Variants in UNC80 observed in about 807,000 individuals in gnomAD.
The protein encoded by UNC80 is unc-80 subunit of NALCN channel complex.
Under a neutral mutation model 384.6 loss-of-function variants are expected in UNC80, and 164 were observed. The ratio of observed to expected loss-of-function variants is 0.43; its 90% CI spans 0.38 to 0.49. The LOEUF is 0.49. UNC80 is among the 20% of genes least tolerant of loss of function. The pLI is 0.00. For synonymous variants in UNC80, 1,486 were observed against 1,527.8 expected, an observed-to-expected ratio of 0.97 and a Z score of 0.64; for missense variants, 3,330 against 4,143.0, an observed-to-expected ratio of 0.80 and a Z score of 5.39.
intron 22 of UNC80, among the ~76,000 whole-genome samples, chr2:209,866,184 T>G (rs900055401): frequency 1.3e-5 from 2 of 152,166 alleles, no homozygotes; most frequent in African/African-American, 4.8e-5. Flanking sequence ...TCTTTAATCT[T>G]TCCTTCTGTA....
At chr2:209,884,012 T>TC (rs34407583) in intron 25 of UNC80, among the ~76,000 whole-genome samples, 1 of 152,056 alleles carries the variant, frequency 6.6e-6, no homozygotes, top group Non-Finnish European at 1.5e-5. Context: ...TTAGTGTGCT[T>TC]CCCCCCCTCC....
At position 209,976,441 on chromosome 2, in the gene UNC80, G is replaced by A. The variant is rs2093015658; in HGVS notation, c.8772+138G>A. Reference sequence around the variant, plus strand: ...AGGGCCTGTTAATACCATGCTTGATGAGAAAACCGCCCAAAAATATATTCC... The same window carrying A: ...AGGGCCTGTTAATACCATGCTTGATAAGAAAACCGCCCAAAAATATATTCC... On this transcript the variant is annotated intron_variant, in intron 57 of 64. Coordinates refer to ENST00000673920, the MANE Select transcript of UNC80 (RefSeq NM_001371986.1). This position sits in a 1 kb window ranked among gnomAD's most constrained non-coding sequence, Gnocchi z 4.3. 9.0e-7 allele frequency: 1 copy of A among 1,111,780 alleles called. No individual in the cohort carries two copies. The highest frequency in any genetic ancestry group is 1.6e-5 in the African/African-American group (1 of 62,456). The allele number at this position is 1,111,780 out of a possible 1,614,324, so 68.9% of individuals were successfully genotyped here. A position where few individuals can be genotyped will look rare whatever the true frequency, so the allele number is the denominator to read the frequency against.
intron 61 of UNC80, among the ~76,000 whole-genome samples, chr2:209,988,448 T>C (rs2093332769): frequency 6.6e-6 from 1 of 152,240 alleles, no homozygotes; most frequent in African/African-American, 2.4e-5. Context: ...TGAATTTTTA[T>C]TGCATTATTG....
At chr2:209,918,009 T>A in intron 32 of UNC80, 51 bp downstream of exon 32, 1 of 1,531,880 alleles carries the variant, frequency 6.5e-7, no homozygotes, top group South Asian at 1.2e-5. Context: ...CAACCCAAGG[T>A]TTGTTTAAAC....
chr2:209,976,868 T>A lies in UNC80; in HGVS notation c.8773-45T>A. The stretch of plus-strand genomic sequence containing the variant: ...TAGGTACAGCAATTAGCCCATTTTA[T>A]GGATGGAAAATTGAGGCCCTGAGAA... On this transcript the variant is annotated intron_variant, in intron 57 of 64. Transcript: ENST00000673920. This position sits in a 1 kb window ranked among gnomAD's most constrained non-coding sequence, Gnocchi z 4.3. The A allele has an allele frequency of 6.8e-7, 1 of 1,472,006 alleles. No individual in the cohort carries two copies. The highest frequency in any genetic ancestry group is 9.1e-7 in the Non-Finnish European group (1 of 1,093,178). The allele number at this position is 1,472,006 out of a possible 1,614,324, so 91.2% of individuals were successfully genotyped here. A position where few individuals can be genotyped will look rare whatever the true frequency, so the allele number is the denominator to read the frequency against.
intron 4 of UNC80, among the ~76,000 whole-genome samples, chr2:209,778,405 GA>G (rs11335630): frequency 0.15 from 22,269 of 150,266 alleles, 2,456 homozygotes; most frequent in African/African-American, 0.3. Flanking sequence ...GTCTTAAAAT[GA>G]AAAAAAAATA....
intron 61 of UNC80, among the ~76,000 whole-genome samples, chr2:209,987,358 C>T (rs1010222212): frequency 4.6e-5 from 7 of 151,860 alleles, no homozygotes; most frequent in Non-Finnish European, 8.8e-5. Context: ...CCAGAAATAG[C>T]CTATTAGAAA....
At chr2:209,945,704 A>C (rs905354401) in intron 46 of UNC80, 143 bp from the exon 47 acceptor site, 56 of 568,320 alleles carry the variant, frequency 9.9e-5, no homozygotes, top group Non-Finnish European at 1.6e-4. Context: ...TGAAGAAATT[A>C]ATAGTTTTCA....
At chr2:209,864,033 T>C (rs1366212023) in intron 22 of UNC80, among the ~76,000 whole-genome samples, 2 of 110,530 alleles carry the variant, frequency 1.8e-5, no homozygotes, top group Non-Finnish European at 3.6e-5. Context: ...GGCTTTTGTG[T>C]TGTTGTTGAT....
chr2:209,898,294 ACACG>A (rs2087007717), intron 28 of UNC80, among the ~76,000 whole-genome samples: 1 of 151,858 alleles, frequency 6.6e-6, no homozygotes, highest in South Asian at 2.1e-4. Flanking sequence ...TAACTTCTTG[ACACG>A]GATACTCAGA....
chr2:209,944,032 T>C (rs1362641637), intron 45 of UNC80, among the ~76,000 whole-genome samples: 2 of 152,206 alleles, frequency 1.3e-5, no homozygotes, highest in Non-Finnish European at 2.9e-5. Flanking sequence ...TCTTTATATA[T>C]GATTTAGTCA....
At chr2:209,982,372 T>C in intron 60 of UNC80, 55 bp downstream of exon 60, 1 of 1,482,090 alleles carries the variant, frequency 6.7e-7, no homozygotes, top group Non-Finnish European at 9.0e-7. Context: ...TTAGAAATTC[T>C]GAAAATACAC....
At chr2:209,938,711 T>TCTCC (rs2091424055) in intron 42 of UNC80, among the ~76,000 whole-genome samples, 2 of 139,850 alleles carry the variant, frequency 1.4e-5, no homozygotes, top group Non-Finnish European at 3.0e-5. Flanking sequence ...TCTCTCTCTC[T>TCTCC]GTGTGTGTGT....
rs752926643 is a variant in UNC80 at position 209,786,060 on chromosome 2, C to A, written c.601-6C>A. 2.5e-6 allele frequency: 4 copies of A among 1,612,776 alleles called. No homozygotes were observed. The African/African-American group carries it at 5.3e-5, about 22-fold the overall frequency. Reference sequence around the variant, plus strand: ...TATTGGACATATATCTTCTCCTCCCCCCTAGGAATCTGACCTCACCTTCCG... The same window carrying A: ...TATTGGACATATATCTTCTCCTCCCACCTAGGAATCTGACCTCACCTTCCG... On this transcript the variant is annotated splice_polypyrimidine_tract_variant and splice_region_variant and intron_variant, in intron 4 of 64. Coordinates refer to ENST00000673920, the MANE Select transcript of UNC80 (RefSeq NM_001371986.1).
intron 32 of UNC80, 62 bp downstream of exon 32, chr2:209,918,020 C>T (rs189099103): frequency 1.4e-5 from 20 of 1,478,622 alleles, no homozygotes; most frequent in Admixed American, 1.2e-4. Context: ...TTGTTTAAAC[C>T]GTTGAACCTC....
chr2:209,803,591 A>C (rs1236178169), intron 7 of UNC80, among the ~76,000 whole-genome samples: 1 of 152,128 alleles, frequency 6.6e-6, no homozygotes, highest in Admixed American at 6.5e-5. Flanking sequence ...ATTGGCCTAG[A>C]TATTCTAGTC....
At chr2:209,897,653 T>C in intron 28 of UNC80, among the ~76,000 whole-genome samples, 1 of 152,226 alleles carries the variant, frequency 6.6e-6, no homozygotes, top group East Asian at 1.9e-4. Context: ...ATATTGAATC[T>C]TCCAATGTTT....
intron 45 of UNC80, among the ~76,000 whole-genome samples, chr2:209,944,499 T>C (rs191541277): frequency 4.7e-4 from 72 of 152,300 alleles, no homozygotes; most frequent in African/African-American, 1.7e-3. Context: ...TTGCATTTTG[T>C]TTTTGGTTTT....
rs189916631 is a variant in UNC80, at chr2:209,995,380, C to A, written c.9760C>A (p.Gln3254Lys). The change falls in exon 65 of 65, where the codon CAA becomes AAA. Residue 3254 changes from glutamine (Q) to lysine (K), a missense_variant. Transcript: ENST00000673920. Reference protein sequence around the residue: ...EGEKEEDTEAQGATAHSPLSA... With the variant: ...EGEKEEDTEAKGATAHSPLSA... ...AGAAAAGGAGGAGGACACAGAAGCA[C>A]AAGGTGCTACTGCACACAGTCCACT... 2,011 of 1,552,160 alleles carry A rather than the reference C, an allele frequency of 1.3e-3. 3 individuals are homozygous for A. The highest frequency in any genetic ancestry group is 1.5e-3 in the Non-Finnish European group (1,688 of 1,147,092).
Sources: allele counts gnomAD v4.1 joint callset (sites outside exome capture counted in the v4.1 genomes callset), GRCh38; gene constraint gnomAD v4.1.1; non-coding constraint Gnocchi (gnomAD v3.1); transcripts MANE v1.5; gene names NCBI Gene and HGNC (gene_info 2026-07-23, HGNC 2026-07-21).